NEB: variants seen among roughly 807,000 people sequenced by gnomAD.
NEB encodes the protein nebulin.
A neutral mutation model predicts 952.2 loss-of-function variants in NEB; 512 were observed. That is an observed-to-expected ratio of 0.54 (90% CI 0.50 to 0.58). The LOEUF (loss-of-function observed/expected upper bound fraction) is 0.58, where lower values mean the gene tolerates loss of function less well. Ranked by LOEUF, NEB falls within the 20% of genes least tolerant of loss-of-function variation. The pLI, the probability that NEB is intolerant of heterozygous loss-of-function variation, is 0.00. For synonymous variants in NEB, 2,900 were observed against 3,149.8 expected (o/e 0.92, Z 2.66); for missense variants, 8,428 against 9,231.1 (o/e 0.91, Z 3.56).
In NEB at chr2:151,561,048, C is replaced by T. The variant is rs2096008692; in HGVS notation, c.19162G>A (p.Val6388Met). Reference sequence around the variant, plus strand: ...AGGTTTCTGGTTCTGTCATAATCCACTGTTTCTAGAACTGTTGTGTATTTG... The same window carrying T: ...AGGTTTCTGGTTCTGTCATAATCCATTGTTTCTAGAACTGTTGTGTATTTG... Reference protein sequence around the residue: ...KDKYTTVLETVDYDRTRNLKN... With the variant: ...KDKYTTVLETMDYDRTRNLKN... The change falls in exon 123 of 182, where the codon GTG (valine) becomes ATG (methionine). Residue 6388 changes from valine to methionine, a missense_variant. Around this residue, in one of 11 missense-constraint regions of NEB, gnomAD observed 3,374 missense variants for 3,651.5 expected, o/e 0.92. Coordinates refer to ENST00000397345, the MANE Select transcript of NEB (RefSeq NM_001164508.2). 1 of 1,609,772 alleles carries T rather than the reference C, an allele frequency of 6.2e-7. No homozygotes were observed. Among genetic ancestry groups the T allele is most frequent in the Non-Finnish European group, 8.5e-7 (1 of 1,177,584 alleles).
chr2:151,672,701 T>G (rs1559094326), intron 36 of NEB, 21 bp from the exon 37 acceptor site: 1 of 1,591,206 alleles, frequency 6.3e-7, no homozygotes, highest in South Asian at 1.1e-5. Context: ...AGAATTGGGT[T>G]AGCAAAGTCC....
Position 151,554,944 on chromosome 2 carries a change from T to C in NEB, c.19415A>G (p.Lys6472Arg). The change falls in exon 125 of 182, where the codon AAG becomes AGG. Residue 6472 changes from lysine to arginine, a missense_variant. Coordinates refer to ENST00000397345, the MANE Select transcript of NEB (RefSeq NM_001164508.2). ...PNTARCLRVGKLNIDRLYRSV... is the reference protein window; with the variant it reads ...PNTARCLRVGRLNIDRLYRSV... Reference sequence around the variant, plus strand: ...GACCGTACTTACATCGATGTTAAGCTTGCCAACTCGGAGGCACCGTGCTGT... The same window carrying C: ...GACCGTACTTACATCGATGTTAAGCCTGCCAACTCGGAGGCACCGTGCTGT... 1 of 1,613,100 alleles carries C rather than the reference T, an allele frequency of 6.2e-7. No individual in the cohort carries two copies. Among genetic ancestry groups the C allele is most frequent in the Non-Finnish European group, 8.5e-7 (1 of 1,179,076 alleles).
In NEB at chr2:151,654,000, C is replaced by A. The variant is rs1251915616; in HGVS notation, c.6907G>T (p.Ala2303Ser). 6.2e-7 allele frequency: 1 copy of A among 1,608,492 alleles called. No individual in the cohort carries two copies. The highest frequency in any genetic ancestry group is 1.7e-5 in the Admixed American group (1 of 59,902). Residue 2303 changes from alanine (A) to serine (S), a missense_variant, in exon 52 of 182, where the codon GCT becomes TCT. Coordinates refer to ENST00000397345, the MANE Select transcript of NEB (RefSeq NM_001164508.2). ...VQLAKASRDIASDYKYKQGYR... is the reference protein window; with the variant it reads ...VQLAKASRDISSDYKYKQGYR... Reference sequence around the variant, plus strand: ...CTCAAACTAGTACTCACATCACTAGCAATGTCTCTTGAAGCTTTAGCTAGC... The same window carrying A: ...CTCAAACTAGTACTCACATCACTAGAAATGTCTCTTGAAGCTTTAGCTAGC...
chr2:151,512,686 C>A (rs763607680), intron 161 of NEB, 47 bp downstream of exon 161: 4 of 1,320,706 alleles, frequency 3.0e-6, no homozygotes, highest in Non-Finnish European at 4.4e-6. Context: ...GACTTCCATT[C>A]TTTCATGATT....
At chr2:151,630,694 A>G (rs2098649754) in intron 67 of NEB, 21 bp downstream of exon 67, 2 of 1,556,578 alleles carry the variant, frequency 1.3e-6, no homozygotes, top group Admixed American at 1.8e-5. Flanking sequence ...ACAATATAGC[A>G]CCACAGATTT....
At chr2:151,567,598 C>T in intron 113 of NEB, 119 bp from the exon 114 acceptor site, 1 of 778,894 alleles carries the variant, frequency 1.3e-6, no homozygotes, top group East Asian at 2.7e-5. Flanking sequence ...GTTTGACACC[C>T]CCAACTCTGA....
intron 30 of NEB, 73 bp from the exon 31 acceptor site, chr2:151,680,095 C>A (rs1253314615): frequency 9.2e-7 from 1 of 1,084,524 alleles, no homozygotes; most frequent in East Asian, 2.4e-5. Flanking sequence ...AAAATAATTT[C>A]CTAATGGATC....
At chr2:151,565,456 T>TTAC in intron 116 of NEB, 45 bp downstream of exon 116, 1 of 1,282,512 alleles carries the variant, frequency 7.8e-7, no homozygotes, top group Admixed American at 1.9e-5. Context: ...GATAGACAAT[T>TTAC]TACTCCCCAG....
chr2:151,672,532 G>C lies in NEB; in HGVS notation c.4136C>G (p.Thr1379Ser), dbSNP rs767199306. The change falls in exon 37 of 182, where the codon ACC (threonine) becomes AGC (serine). Residue 1379 changes from threonine to serine, a missense_variant. Coordinates refer to ENST00000397345, the MANE Select transcript of NEB (RefSeq NM_001164508.2). ...EYKKNYENTK[T>S]SYHTPGDMVS... ...CATGTCCCCAGGGGTATGGTAGCTG[G>C]TTTTGGTGTTCTCATAGTTCTTCTT... is the stretch of plus-strand genomic sequence containing the variant. The C allele has an allele frequency of 1.2e-6, 2 of 1,614,006 alleles. No individual in the cohort carries two copies. The highest frequency in any genetic ancestry group is 2.2e-5 in the South Asian group (2 of 91,080).
chr2:151,684,508 T>C (rs555785007), intron 28 of NEB, among the ~76,000 whole-genome samples: 3 of 152,276 alleles, frequency 2.0e-5, no homozygotes, highest in South Asian at 2.1e-4. Context: ...CTCCAAACAA[T>C]GTTTTTGATT....
At chr2:151,615,827 G>T (rs904284935) in intron 76 of NEB, 175 bp downstream of exon 76, 3 of 577,726 alleles carry the variant, frequency 5.2e-6, no homozygotes, top group Non-Finnish European at 9.0e-6. Context: ...TGGGTATAAT[G>T]GGTCTAGAAT....
chr2:151,664,543 A>C lies in NEB; in HGVS notation c.5409T>G (p.Ile1803Met). The change falls in exon 44 of 182, where the codon ATT becomes ATG. Residue 1803 changes from isoleucine (I) to methionine (M), a missense_variant. Transcript: ENST00000397345. The part of the protein sequence containing the change: ...KKGYDLRPDA[I>M]AIKAARASRD... Reference sequence around the variant, plus strand: ...TAGAGGCTCTTGCAGCCTTTATTGCAATGGCATCAGGCCTCAGGTCATATC... The same window carrying C: ...TAGAGGCTCTTGCAGCCTTTATTGCCATGGCATCAGGCCTCAGGTCATATC... 4 of 1,607,668 alleles carry C rather than the reference A, an allele frequency of 2.5e-6. No individual in the cohort carries two copies. Among genetic ancestry groups the C allele is most frequent in the Non-Finnish European group, 3.4e-6 (4 of 1,177,192 alleles).
Position 151,619,745 on chromosome 2 carries a change from T to G in NEB, c.10578A>C (p.Ala3526=), listed in dbSNP as rs760118695. The change falls in exon 73 of 182, where the codon GCA becomes GCC. Residue 3526 remains alanine (A), a synonymous_variant. Coordinates refer to ENST00000397345, the MANE Select transcript of NEB (RefSeq NM_001164508.2). ...TGTGGTGACCCAACTGTTTACGATA[T>G]GCTTCTTTGTATTTGTACTGAAAGA... ...DIASDYKYKE[A]YRKQLGHHIG... 3 of 1,610,894 alleles carry G rather than the reference T, an allele frequency of 1.9e-6. No homozygotes were observed. In the East Asian group the frequency reaches 6.7e-5, roughly 36 times the overall value.
At chr2:151,655,170 TC>T in intron 51 of NEB, 99 bp downstream of exon 51, 1 of 713,012 alleles carries the variant, frequency 1.4e-6, no homozygotes, top group East Asian at 3.0e-5. Context: ...TTTCCAAACT[TC>T]CATTGCTTCA....
intron 52 of NEB, among the ~76,000 whole-genome samples, chr2:151,651,584 A>G (rs1009849077): frequency 3.9e-5 from 6 of 152,214 alleles, no homozygotes; most frequent in African/African-American, 1.4e-4. Flanking sequence ...GGAGCTCAAC[A>G]TACTGCCAAA....
intron 166 of NEB, 50 bp downstream of exon 166, chr2:151,503,299 G>A (rs768204922): frequency 1.5e-6 from 2 of 1,340,032 alleles, no homozygotes; most frequent in Non-Finnish European, 2.1e-6. Flanking sequence ...GGGTTATTGT[G>A]GTAAATTTTT....
rs375256600 is a variant in NEB at position 151,656,199 on chromosome 2, G to A, written c.6449C>T (p.Ala2150Val). 38 of 1,609,562 alleles carry A rather than the reference G, an allele frequency of 2.4e-5. 1 individual carries two copies. In the East Asian group the frequency reaches 2.5e-4, roughly 10 times the overall value. The change falls in exon 49 of 182, where the codon GCA (alanine) becomes GTA (valine). Residue 2150 changes from alanine to valine, a missense_variant. Coordinates refer to ENST00000397345, the MANE Select transcript of NEB (RefSeq NM_001164508.2). ...LIHKYILLPD[A>V]MNIELTRNMN... Reference sequence around the variant, plus strand: ...ATTCCTGGTCAGCTCAATGTTCATTGCATCTGGAAGGAGGATGTACTTGTG... The same window carrying A: ...ATTCCTGGTCAGCTCAATGTTCATTACATCTGGAAGGAGGATGTACTTGTG...
chr2:151,497,461 G>GGT, intron 171 of NEB, 165 bp downstream of exon 171: 1 of 982,334 alleles, frequency 1.0e-6, no homozygotes. Flanking sequence ...AAATGGGAAT[G>GGT]GTGTTAGGCT....
Position 151,684,937 on chromosome 2 carries a change from G to A in NEB, c.2676C>T (p.Ile892=). The A allele has an allele frequency of 6.2e-7, 1 of 1,612,268 alleles. No homozygotes were observed. The highest frequency in any genetic ancestry group is 8.5e-7 in the Non-Finnish European group (1 of 1,179,174). ...YRKDYEKSKT[I]YTAPLDMLQV... ...GGAGCATATCAAGAGGTGCCGTGTA[G>A]ATAGTTTTTGACTTTTCATAATCTT... Residue 892 remains isoleucine, a synonymous_variant, in exon 28 of 182, where the codon ATC becomes ATT. Coordinates refer to ENST00000397345, the MANE Select transcript of NEB (RefSeq NM_001164508.2).
Sources: allele counts gnomAD v4.1 joint callset (sites outside exome capture counted in the v4.1 genomes callset), GRCh38; gene constraint gnomAD v4.1.1; regional missense constraint gnomAD v4.1.1; transcripts MANE v1.5; gene names NCBI Gene and HGNC (gene_info 2026-07-23, HGNC 2026-07-21).